Variants in LSM12 observed in about 807,000 individuals in gnomAD.
LSM12 encodes the protein protein LSM12.
For synonymous variants in LSM12, 74 were observed against 87.3 expected (o/e 0.85, Z 0.85); for missense variants, 108 against 238.9 (o/e 0.45, Z 3.61).
intron 2 of LSM12, among the ~76,000 whole-genome samples, chr17:44,063,098 TAAAAAG>T (rs2144115535): frequency 6.7e-6 from 1 of 150,368 alleles, no homozygotes; most frequent in East Asian, 2.0e-4. Flanking sequence ...GTGGCTCCAA[TAAAAAG>T]AAAGACTTGG....
At chr17:44,057,502 C>A (rs1211561086) in intron 2 of LSM12, among the ~76,000 whole-genome samples, 7 of 151,468 alleles carry the variant, frequency 4.6e-5, no homozygotes, top group Admixed American at 4.6e-4. Flanking sequence ...TGGCTCACGC[C>A]TGTAATCCCA....
chr17:44,036,191 C>A lies in LSM12; in HGVS notation c.*17G>T, dbSNP rs752913316. ...CTCCTTGGCTGGATGCTGGAAGAGT[C>A]CTCCATGTGTACGGACTCAGGATGA... On this transcript the variant is annotated 3_prime_UTR_variant, in exon 5 of 5. Transcript: ENST00000293406. The A allele has an allele frequency of 2.5e-6, 4 of 1,609,334 alleles. No homozygotes were observed. The Admixed American group carries it at 6.7e-5, about 27-fold the overall frequency.
At chr17:44,041,320 C>A (rs1279282958) in intron 2 of LSM12, among the ~76,000 whole-genome samples, 55 of 146,120 alleles carry the variant, frequency 3.8e-4, no homozygotes, top group African/African-American at 7.5e-4. Flanking sequence ...CACACACACA[C>A]ACACACACAC....
chr17:44,064,732 CAAA>C (rs879636307), intron 1 of LSM12, among the ~76,000 whole-genome samples: 3 of 63,498 alleles, frequency 4.7e-5, no homozygotes, highest in African/African-American at 5.0e-5. Context: ...GACTCCGTCT[CAAA>C]AAAAAAAAAA....
intron 2 of LSM12, among the ~76,000 whole-genome samples, chr17:44,052,621 T>A (rs1319958672): frequency 1.3e-5 from 2 of 152,086 alleles, no homozygotes; most frequent in African/African-American, 4.8e-5. Flanking sequence ...TAGCCGGGCA[T>A]GGTGGCGGGT....
chr17:44,044,282 T>TAAG (rs2049533104), intron 2 of LSM12, among the ~76,000 whole-genome samples: 1 of 152,148 alleles, frequency 6.6e-6, no homozygotes, highest in Admixed American at 6.6e-5. Flanking sequence ...AAGTGATTCT[T>TAAG]TAGACAGGCT....
chr17:44,041,297 AC>A (rs1477437187), intron 2 of LSM12, among the ~76,000 whole-genome samples: 2 of 115,772 alleles, frequency 1.7e-5, no homozygotes, highest in African/African-American at 7.2e-5. Flanking sequence ...ACAAACACAC[AC>A]ACACACACAC....
chr17:44,045,626 A>G (rs531760539), intron 2 of LSM12, among the ~76,000 whole-genome samples: 1 of 152,266 alleles, frequency 6.6e-6, no homozygotes, highest in Admixed American at 6.5e-5. Flanking sequence ...GCTGGAATGT[A>G]ATGGCACAAT....
intron 2 of LSM12, among the ~76,000 whole-genome samples, chr17:44,052,323 A>C (rs897199968): frequency 6.6e-6 from 1 of 151,996 alleles, no homozygotes; most frequent in Admixed American, 6.6e-5. Flanking sequence ...CAAAAAAAAA[A>C]ATTAAAAAAA....
chr17:44,038,565 GA>G (rs938188487), intron 3 of LSM12, among the ~76,000 whole-genome samples: 190 of 152,220 alleles, frequency 1.2e-3, no homozygotes, highest in African/African-American at 4.3e-3. Flanking sequence ...TGAAGCAGGA[GA>G]ATCGCTTGAA....
chr17:44,036,304 A>G lies in LSM12; in HGVS notation c.496-4T>C. On this transcript the variant is annotated splice_region_variant and splice_polypyrimidine_tract_variant and intron_variant, in intron 4 of 4. Coordinates refer to ENST00000293406, the MANE Select transcript of LSM12 (RefSeq NM_001371445.1). ...CGTCTCTAAAATGTTTTTCAACCTGAAAAAGACCAGGCAACCCAGGTCAAC... is the reference window on the plus strand; with the variant it reads ...CGTCTCTAAAATGTTTTTCAACCTGGAAAAGACCAGGCAACCCAGGTCAAC... 1 of 1,613,934 alleles carries G rather than the reference A, an allele frequency of 6.2e-7. No individual in the cohort carries two copies. Among genetic ancestry groups the G allele is most frequent in the Non-Finnish European group, 8.5e-7 (1 of 1,179,942 alleles).
In LSM12 at chr17:44,066,412, C is replaced by A; in HGVS notation, c.124+52G>T. 2.0e-6 allele frequency: 3 copies of A among 1,518,678 alleles called. No individual in the cohort carries two copies. The South Asian group carries it at 3.7e-5, about 19-fold the overall frequency. The allele number at this position is 1,518,678 out of a possible 1,614,324, so 94.1% of individuals were successfully genotyped here. A position where few individuals can be genotyped will look rare whatever the true frequency, so the allele number is the denominator to read the frequency against. ...GCCGCCGTCGTCCCCCACCCCCCGA[C>A]CACCGCACCTACACGCCGGCCCGGA... On this transcript the variant is annotated intron_variant, in intron 1 of 4. Transcript: ENST00000293406.
At chr17:44,064,730 C>A (rs1229825061) in intron 1 of LSM12, among the ~76,000 whole-genome samples, 10 of 140,668 alleles carry the variant, frequency 7.1e-5, no homozygotes, top group South Asian at 2.2e-4. Context: ...GAGACTCCGT[C>A]TCAAAAAAAA....
At chr17:44,063,656 C>A in intron 2 of LSM12, 145 bp downstream of exon 2, 1 of 972,862 alleles carries the variant, frequency 1.0e-6, no homozygotes, top group Non-Finnish European at 1.4e-6. Context: ...AAAAACTAAA[C>A]CTACATTTTT....
At chr17:44,053,388 C>T (rs1037802567) in intron 2 of LSM12, among the ~76,000 whole-genome samples, 2 of 152,168 alleles carry the variant, frequency 1.3e-5, no homozygotes, top group African/African-American at 2.4e-5. Context: ...AAAGTTTGCT[C>T]CTCCCTGCTC....
At chr17:44,046,751 T>C (rs1408782143) in intron 2 of LSM12, among the ~76,000 whole-genome samples, 2 of 117,716 alleles carry the variant, frequency 1.7e-5, no homozygotes, top group South Asian at 2.8e-4. Context: ...TGTTTTCTTT[T>C]TTTTTTTCTT....
chr17:44,062,058 A>G (rs576532219), intron 2 of LSM12, among the ~76,000 whole-genome samples: 1 of 152,130 alleles, frequency 6.6e-6, no homozygotes, highest in East Asian at 1.9e-4. Context: ...CGTCTCTACT[A>G]AAAATACAAA....
At position 44,065,094 on chromosome 17, in the gene LSM12, T is replaced by C. The variant is rs112532700; in HGVS notation, c.125-1160A>G. Among the ~76,000 whole-genome samples the C allele has an allele frequency of 1.4e-4, 21 of 145,964 alleles. 1 individual carries two copies. The highest frequency in any genetic ancestry group is 4.1e-4 in the African/African-American group (16 of 39,222). On this transcript the variant is annotated intron_variant, in intron 1 of 4. Coordinates refer to ENST00000293406, the MANE Select transcript of LSM12 (RefSeq NM_001371445.1). The stretch of plus-strand genomic sequence containing the variant: ...GTTGCAGTAAGCCGAAATCACGCCA[T>C]TGCACTCCAGCCTGGGCAATAAGAG...
rs758595069 is a variant in LSM12 at position 44,036,192 on chromosome 17, C to T, written c.*16G>A. ...TCCTTGGCTGGATGCTGGAAGAGTC[C>T]TCCATGTGTACGGACTCAGGATGAC... is the stretch of plus-strand genomic sequence containing the variant. On this transcript the variant is annotated 3_prime_UTR_variant, in exon 5 of 5. Coordinates refer to ENST00000293406, the MANE Select transcript of LSM12 (RefSeq NM_001371445.1). 6.2e-7 allele frequency: 1 copy of T among 1,609,570 alleles called. No homozygotes were observed. Among genetic ancestry groups the T allele is most frequent in the Admixed American group, 1.7e-5 (1 of 59,492 alleles).
Sources: allele counts gnomAD v4.1 joint callset (sites outside exome capture counted in the v4.1 genomes callset), GRCh38; gene constraint gnomAD v4.1.1; transcripts MANE v1.5; gene names NCBI Gene and HGNC (gene_info 2026-07-23, HGNC 2026-07-21).